The following GAS2 variants were observed in gnomAD, a reference collection of about 807,000 sequenced individuals.
The protein encoded by GAS2 is growth arrest-specific protein 2.
In GAS2, 20 loss-of-function variants were observed where a neutral mutation model predicts 37.5. The ratio of observed to expected loss-of-function variants is 0.53; its 90% CI spans 0.37 to 0.77. The LOEUF is 0.77. GAS2 is among the 30% of genes least tolerant of loss of function. The pLI, the probability that GAS2 is intolerant of heterozygous loss-of-function variation, is 0.00. For missense variants in GAS2, 336 were observed against 373.4 expected, an observed-to-expected ratio of 0.90 and a Z score of 0.82; for synonymous variants, 144 against 132.2, an observed-to-expected ratio of 1.09 and a Z score of -0.61.
chr11:22,741,934 C>A (rs918040753), intron 5 of GAS2, among the ~76,000 whole-genome samples: 3 of 152,042 alleles, frequency 2.0e-5, no homozygotes, highest in African/African-American at 7.2e-5. Flanking sequence ...ATCCAGATGT[C>A]TTTTGTTTGA....
chr11:22,689,170 A>G (rs536514356), intron 3 of GAS2, among the ~76,000 whole-genome samples: 96 of 152,230 alleles, frequency 6.3e-4, no homozygotes, highest in Non-Finnish European at 8.5e-4. Flanking sequence ...AAAACTACCT[A>G]TTGGGTTCTA....
At chr11:22,645,258 C>T (rs191735046) in intron 1 of GAS2, among the ~76,000 whole-genome samples, 2 of 151,954 alleles carry the variant, frequency 1.3e-5, no homozygotes, top group African/African-American at 4.8e-5. Flanking sequence ...TCCTGTAATC[C>T]CAGCACTTTG....
chr11:22,735,497 C>T (rs1451943289), intron 4 of GAS2, among the ~76,000 whole-genome samples: 1 of 151,738 alleles, frequency 6.6e-6, no homozygotes, highest in African/African-American at 2.4e-5. Context: ...CATGCAGTTT[C>T]TTCTCAGTTT....
chr11:22,804,257 A>G (rs1352554695), intron 7 of GAS2, among the ~76,000 whole-genome samples: 3 of 152,266 alleles, frequency 2.0e-5, no homozygotes, highest in South Asian at 4.1e-4. Context: ...AAAACTTAAC[A>G]ATGTAGAAGA....
At chr11:22,652,368 C>A (rs1848788843) in intron 1 of GAS2, among the ~76,000 whole-genome samples, 1 of 152,214 alleles carries the variant, frequency 6.6e-6, no homozygotes, top group Non-Finnish European at 1.5e-5. Context: ...TTACTGCTGT[C>A]TTTTTGTTTA....
At chr11:22,734,015 T>A (rs1291158583) in intron 4 of GAS2, among the ~76,000 whole-genome samples, 1 of 151,736 alleles carries the variant, frequency 6.6e-6, no homozygotes, top group African/African-American at 2.4e-5. Flanking sequence ...AAAAGATAAA[T>A]GATGACATGT....
chr11:22,809,935 A>T (rs1267688141), intron 7 of GAS2, among the ~76,000 whole-genome samples: 1 of 152,146 alleles, frequency 6.6e-6, no homozygotes, highest in African/African-American at 2.4e-5. Flanking sequence ...TCTCATTGAG[A>T]TTTTGTTTAA....
chr11:22,679,907 G>T (rs1222149259), intron 2 of GAS2, among the ~76,000 whole-genome samples: 2 of 152,088 alleles, frequency 1.3e-5, no homozygotes, highest in Non-Finnish European at 2.9e-5. Context: ...TTGATGTCAT[G>T]GTAATTTTCC....
At chr11:22,792,264 G>T (rs1437203205) in intron 7 of GAS2, among the ~76,000 whole-genome samples, 1 of 152,016 alleles carries the variant, frequency 6.6e-6, no homozygotes, top group Non-Finnish European at 1.5e-5. Context: ...TCTAACAACA[G>T]TTGAAGGAAA....
intron 1 of GAS2, among the ~76,000 whole-genome samples, chr11:22,673,994 C>T (rs1216430271): frequency 6.6e-6 from 1 of 152,132 alleles, no homozygotes; most frequent in Non-Finnish European, 1.5e-5. Flanking sequence ...ATTGTTGTAG[C>T]AATAGCAGAG....
intron 3 of GAS2, among the ~76,000 whole-genome samples, chr11:22,715,479 A>AAAAAAAAAAAAAAAG (rs1554973679): frequency 6.9e-6 from 1 of 145,790 alleles, no homozygotes; most frequent in African/African-American, 2.5e-5. Context: ...AAAAAAAAAA[A>AAAAAAAAAAAAAAAG]AAAAGAAAAG....
At chr11:22,685,191 G>T (rs372421655) in intron 2 of GAS2, among the ~76,000 whole-genome samples, 1 of 152,134 alleles carries the variant, frequency 6.6e-6, no homozygotes, top group East Asian at 1.9e-4. Flanking sequence ...AGAGACCTAC[G>T]GCGTTCTTGT....
chr11:22,658,476 A>T (rs1049871148), intron 1 of GAS2, among the ~76,000 whole-genome samples: 5 of 152,200 alleles, frequency 3.3e-5, no homozygotes, highest in Non-Finnish European at 5.9e-5. Flanking sequence ...TGAACATGAG[A>T]CAAAACAAAA....
At chr11:22,719,334 C>T (rs1477197179) in intron 3 of GAS2, among the ~76,000 whole-genome samples, 1 of 152,066 alleles carries the variant, frequency 6.6e-6, no homozygotes, top group Non-Finnish European at 1.5e-5. Context: ...CTTTCTCCTA[C>T]CCCTGGCAAT....
chr11:22,783,981 C>G (rs963916054), intron 7 of GAS2, among the ~76,000 whole-genome samples: 1 of 152,130 alleles, frequency 6.6e-6, no homozygotes, highest in Non-Finnish European at 1.5e-5. Context: ...TCTGTGTTCT[C>G]TGTTCTGTTC....
chr11:22,709,978 C>T (rs568052357), intron 3 of GAS2, among the ~76,000 whole-genome samples: 49 of 133,256 alleles, frequency 3.7e-4, no homozygotes, highest in African/African-American at 6.1e-4. Context: ...CACATAGACA[C>T]AGGAAGGGGA....
In GAS2 at chr11:22,755,921, T is replaced by C. The variant is rs774739106; in HGVS notation, c.691T>C (p.Tyr231His). The C allele has an allele frequency of 8.1e-6, 13 of 1,612,526 alleles. No homozygotes were observed. The highest frequency in any genetic ancestry group is 1.3e-5 in the African/African-American group (1 of 74,872). The change falls in exon 7 of 8, where the codon TAC becomes CAC. Residue 231 changes from tyrosine to histidine, a missense_variant. Tyr to His is a moderately conservative substitution (Grantham distance 83). Transcript: ENST00000454584. ...FCVERLSQGR[Y>H]RVGEKILFIR... ...TGTGGAGCGGCTCTCCCAAGGAAGA[T>C]ACCGAGTGGGAGAAAAGATCCTCTT...
chr11:22,795,559 G>A (rs1856387386), intron 7 of GAS2, among the ~76,000 whole-genome samples: 2 of 152,198 alleles, frequency 1.3e-5, no homozygotes, highest in African/African-American at 4.8e-5. Context: ...AACACCAAGT[G>A]AAGAATATCT....
At chr11:22,758,162 A>G (rs914831155) in intron 7 of GAS2, among the ~76,000 whole-genome samples, 1 of 152,194 alleles carries the variant, frequency 6.6e-6, no homozygotes, top group African/African-American at 2.4e-5. Context: ...TCAAATGATC[A>G]TATGGTTGTC....
Sources: allele counts gnomAD v4.1 joint callset (sites outside exome capture counted in the v4.1 genomes callset), GRCh38; gene constraint gnomAD v4.1.1; transcripts MANE v1.5; gene names NCBI Gene and HGNC (gene_info 2026-07-23, HGNC 2026-07-21).